The following CCDC14 variants were observed in gnomAD, a reference collection of about 807,000 sequenced individuals.
CCDC14 encodes coiled-coil domain-containing protein 14.
In CCDC14, 71 loss-of-function variants were observed where a neutral mutation model predicts 81.4. The ratio of observed to expected loss-of-function variants is 0.87; its 90% confidence interval spans 0.72 to 1.06. The LOEUF (loss-of-function observed/expected upper bound fraction) is 1.06, where lower values mean the gene tolerates loss of function less well. Ranked by LOEUF, CCDC14 falls within the 50% of genes least tolerant of loss-of-function variation. The probability of loss-of-function intolerance (pLI) is 0.00; values close to 1 mark genes in which losing one functional copy is unlikely to be tolerated. For missense variants in CCDC14, 1,046 were observed against 1,047.3 expected, an observed-to-expected ratio of 1.00 and a Z score of 0.02; for synonymous variants, 332 against 364.8, an observed-to-expected ratio of 0.91 and a Z score of 1.03.
chr3:123,891,471 T>G, the CCDC14 span, among the ~76,000 whole-genome samples: 1 of 152,238 alleles, frequency 6.6e-6, no homozygotes, highest in Non-Finnish European at 1.5e-5. Flanking sequence ...TAGAAATTTC[T>G]TCTGCCAGAT....
intron 9 of CCDC14, among the ~76,000 whole-genome samples, chr3:123,942,528 T>TA (rs1188846278): frequency 6.6e-6 from 1 of 152,070 alleles, no homozygotes; most frequent in Non-Finnish European, 1.5e-5. Flanking sequence ...TGCATCTCAC[T>TA]AGCTATCATG....
At chr3:123,912,169 G>A (rs1484476964), downstream of CCDC14, among the ~76,000 whole-genome samples, 1 of 152,176 alleles carries the variant, frequency 6.6e-6, no homozygotes, top group African/African-American at 2.4e-5. Context: ...CTCACTCCAT[G>A]CTCAATACTT....
Position 123,915,635 on chromosome 3 carries a change from T to C in CCDC14, c.1862A>G (p.Lys621Arg), listed in dbSNP as rs764437658. ...TTTATCATGAATGTTCAAGAGTGATTTGGTAAGGTTATTCCCAGGCTTGCA... is the reference window on the plus strand; with the variant it reads ...TTTATCATGAATGTTCAAGAGTGATCTGGTAAGGTTATTCCCAGGCTTGCA... ...ARCKPGNNLT[K>R]SLLNIHDKQL... The change falls in exon 13 of 13, where the codon AAA (lysine) becomes AGA (arginine). Residue 621 changes from lysine (K) to arginine (R), a missense_variant. Lys to Arg is a conservative substitution (Grantham distance 26). Coordinates refer to ENST00000409697, the MANE Select transcript of CCDC14 (RefSeq NM_001366335.1). 2 of 1,614,054 alleles carry C rather than the reference T, an allele frequency of 1.2e-6. No homozygotes were observed. The highest frequency in any genetic ancestry group is 4.5e-5 in the East Asian group (2 of 44,884).
chr3:123,940,001 AT>A (rs1311481907), intron 9 of CCDC14, among the ~76,000 whole-genome samples: 1 of 151,878 alleles, frequency 6.6e-6, no homozygotes, highest in Admixed American at 6.6e-5. Flanking sequence ...ATGGTTAAAA[AT>A]AAAAAGGTAA....
chr3:123,899,844 C>G (rs2034144274), intron 5 of CCDC14, among the ~76,000 whole-genome samples: 1 of 152,208 alleles, frequency 6.6e-6, no homozygotes, highest in South Asian at 2.1e-4. Flanking sequence ...AATGTCAACT[C>G]CAGCCATGGG....
rs745824703 is a variant in CCDC14 at position 123,931,221 on chromosome 3, G to C, written c.1659C>G (p.Ala553=). The change falls in exon 12 of 13, where the codon GCC becomes GCG. Residue 553 remains alanine, a synonymous_variant. Coordinates refer to ENST00000409697, the MANE Select transcript of CCDC14 (RefSeq NM_001366335.1). ...ACTGGGAGCTTTTCACATTGACTAG[G>C]GCTTCCTCCAATTCTAAAACAACAA... ...ITRIKIELEE[A]LVNVKSSQFK... 1.5e-5 allele frequency: 24 copies of C among 1,602,846 alleles called. No homozygotes were observed. Among genetic ancestry groups the C allele is most frequent in the Non-Finnish European group, 1.9e-5 (22 of 1,177,026 alleles).
chr3:123,930,989 C>A, intron 12 of CCDC14, 113 bp downstream of exon 12: 4 of 918,080 alleles, frequency 4.4e-6, no homozygotes, highest in Non-Finnish European at 6.2e-6. Context: ...AAAACATTGG[C>A]AAAATAAGAG....
chr3:123,887,480 C>A, the CCDC14 span, among the ~76,000 whole-genome samples: 440 of 145,132 alleles, frequency 3.0e-3, 3 homozygotes, highest in African/African-American at 0.01. Flanking sequence ...ACAACAACAA[C>A]AAAAAAAAAA....
At chr3:123,921,242 AC>A (rs1402873575) in intron 12 of CCDC14, among the ~76,000 whole-genome samples, 1 of 152,190 alleles carries the variant, frequency 6.6e-6, no homozygotes, top group Non-Finnish European at 1.5e-5. Flanking sequence ...TAATCAAAAG[AC>A]AGAGTGGGTG....
chr3:123,921,265 A>C (rs192558947), intron 12 of CCDC14, among the ~76,000 whole-genome samples: 1 of 152,336 alleles, frequency 6.6e-6, no homozygotes, highest in East Asian at 1.9e-4. Flanking sequence ...ATGAATCAAA[A>C]ACTGTATGCT....
intron 5 of CCDC14, among the ~76,000 whole-genome samples, chr3:123,904,139 T>A (rs182080109): frequency 6.6e-6 from 1 of 152,180 alleles, no homozygotes; most frequent in Non-Finnish European, 1.5e-5. Flanking sequence ...TAACTAGCCA[T>A]TGAAGAGAAT....
intron 10 of CCDC14, among the ~76,000 whole-genome samples, chr3:123,932,262 G>A (rs1318077499): frequency 2.0e-5 from 3 of 152,086 alleles, no homozygotes; most frequent in Admixed American, 1.3e-4. Context: ...ATAAATAAGA[G>A]AAGCTATTTA....
At chr3:123,892,726 A>G (rs200396147), downstream of CCDC14, among the ~76,000 whole-genome samples, 5 of 27,532 alleles carry the variant, frequency 1.8e-4, no homozygotes, top group South Asian at 2.8e-3. Flanking sequence ...AATTCAAACC[A>G]TTTCACAACT....
intron 12 of CCDC14, among the ~76,000 whole-genome samples, chr3:123,923,261 G>A (rs759062814): frequency 1.3e-5 from 2 of 151,938 alleles, no homozygotes; most frequent in Non-Finnish European, 1.5e-5. Context: ...AAAAGATTCC[G>A]TATAGAAGGA....
intron 12 of CCDC14, 134 bp from the exon 13 acceptor site, chr3:123,915,852 G>A: frequency 1.6e-6 from 1 of 614,526 alleles, no homozygotes; most frequent in East Asian, 2.8e-5. Flanking sequence ...GCAACTAGAA[G>A]CACAAAATCA....
At chr3:123,924,913 A>ATAT (rs1491552310) in intron 12 of CCDC14, among the ~76,000 whole-genome samples, 315 of 85,138 alleles carry the variant, frequency 3.7e-3, no homozygotes, top group African/African-American at 0.035. Context: ...GTACATATCC[A>ATAT]TATATATATA....
chr3:123,928,960 A>G (rs2035545664), intron 12 of CCDC14, among the ~76,000 whole-genome samples: 1 of 152,230 alleles, frequency 6.6e-6, no homozygotes, highest in South Asian at 2.1e-4. Flanking sequence ...ATGACATAGG[A>G]AAGACAGAAC....
intron 5 of CCDC14, among the ~76,000 whole-genome samples, chr3:123,903,297 A>AACAC (rs57466490): frequency 0.027 from 3,868 of 144,184 alleles, 98 homozygotes; most frequent in African/African-American, 0.066. Context: ...TTATTTTTCA[A>AACAC]ACACACACAC....
downstream of CCDC14, among the ~76,000 whole-genome samples, chr3:123,912,566 T>C (rs1326930198): frequency 2.6e-5 from 4 of 152,172 alleles, no homozygotes; most frequent in South Asian, 2.1e-4. Flanking sequence ...TCAATTTGCC[T>C]CTCCTTTTTC....
Sources: allele counts gnomAD v4.1 joint callset (sites outside exome capture counted in the v4.1 genomes callset), GRCh38; gene constraint gnomAD v4.1.1; transcripts MANE v1.5; gene names NCBI Gene and HGNC (gene_info 2026-07-23, HGNC 2026-07-21).